Variants in NEBL observed in about 807,000 individuals in gnomAD.
NEBL encodes the protein LIM and SH3 protein 2.
A neutral mutation model predicts 140.2 loss-of-function variants in NEBL; 122 were observed. The ratio of observed to expected loss-of-function variants is 0.87; its 90% CI spans 0.75 to 1.01. The LOEUF is 1.01. Ranked by LOEUF, NEBL falls within the 50% of genes least tolerant of loss-of-function variation. The pLI is 0.00. For synonymous variants in NEBL, 436 were observed against 398.9 expected (o/e 1.09, Z -1.11); for missense variants, 1,365 against 1,231.3 (o/e 1.11, Z -1.62).
intron 4 of NEBL, among the ~76,000 whole-genome samples, chr10:20,885,568 G>A (rs1463291699): frequency 2.0e-5 from 3 of 152,130 alleles, no homozygotes; most frequent in Non-Finnish European, 2.9e-5. Context: ...TATTTTTCAT[G>A]TTAAGTTCTA....
chr10:21,064,469 G>T (rs1835442423), intron 2 of NEBL, among the ~76,000 whole-genome samples: 1 of 152,108 alleles, frequency 6.6e-6, no homozygotes, highest in African/African-American at 2.4e-5. Flanking sequence ...ACACTCAGTT[G>T]GTAGGGCTCT....
chr10:21,091,447 G>A (rs1232087059), intron 2 of NEBL, among the ~76,000 whole-genome samples: 1 of 152,132 alleles, frequency 6.6e-6, no homozygotes, highest in Non-Finnish European at 1.5e-5. Flanking sequence ...AAAAATGTAT[G>A]AGACAAATAG....
chr10:21,257,090 T>A (rs1842667285), intron 1 of NEBL, among the ~76,000 whole-genome samples: 1 of 152,212 alleles, frequency 6.6e-6, no homozygotes, highest in Non-Finnish European at 1.5e-5. Context: ...TTGCTAAACA[T>A]TTATCAGCAT....
At position 20,783,438 on chromosome 10, in the gene NEBL, G is replaced by T. The variant is rs1835158399; in HGVS notation, c.*2309C>A. 6.6e-6 allele frequency: 1 copy of T among 152,188 alleles called. No individual in the cohort carries two copies. The highest frequency in any genetic ancestry group is 6.5e-5 in the Admixed American group (1 of 15,280). 9.4% of individuals were successfully genotyped at this position (152,188 alleles called of 1,614,324 possible). ...TTTTGCTATGCAAACATTATTACGT[G>T]AAGCTTAAAATTTTAGGAGACTTAT... On this transcript the variant is annotated 3_prime_UTR_variant, in exon 28 of 28. Coordinates refer to ENST00000377122, the MANE Select transcript of NEBL (RefSeq NM_006393.3).
intron 2 of NEBL, among the ~76,000 whole-genome samples, chr10:21,043,164 G>A (rs1448960320): frequency 1.3e-5 from 2 of 152,124 alleles, no homozygotes; most frequent in African/African-American, 2.4e-5. Context: ...GGTCTCAGAC[G>A]ATATCCCAGC....
At chr10:21,032,458 A>T (rs1467881844) in intron 2 of NEBL, among the ~76,000 whole-genome samples, 1 of 152,130 alleles carries the variant, frequency 6.6e-6, no homozygotes, top group Non-Finnish European at 1.5e-5. Flanking sequence ...TCTATTCATG[A>T]ATTTCCTTCC....
intron 3 of NEBL, among the ~76,000 whole-genome samples, chr10:21,187,352 G>GA (rs1321150849): frequency 6.6e-6 from 1 of 152,098 alleles, no homozygotes; most frequent in African/African-American, 2.4e-5. Flanking sequence ...AGGAAGAGAA[G>GA]TTTTTTGGGG....
intron 26 of NEBL, among the ~76,000 whole-genome samples, chr10:20,793,155 T>G (rs1481395528): frequency 2.6e-5 from 4 of 152,170 alleles, no homozygotes; most frequent in African/African-American, 9.7e-5. Flanking sequence ...AATAGGGAAG[T>G]GCCGAAGAAA....
intron 5 of NEBL, among the ~76,000 whole-genome samples, chr10:20,870,729 G>T (rs1444833919): frequency 6.6e-6 from 1 of 152,158 alleles, no homozygotes; most frequent in Non-Finnish European, 1.5e-5. Context: ...GGAATGACTT[G>T]AGCCTCCCAA....
intron 2 of NEBL, chr10:21,113,230 C>A (rs1294613347): frequency 3.3e-6 from 1 of 302,412 alleles, no homozygotes; most frequent in Non-Finnish European, 6.0e-6. Context: ...GCACAAAAAT[C>A]ATTTCCACCA....
intron 4 of NEBL, among the ~76,000 whole-genome samples, chr10:20,924,090 C>T (rs1833743965): frequency 6.6e-6 from 1 of 152,054 alleles, no homozygotes. Flanking sequence ...ATAGCAAATC[C>T]AAAATCACTC....
At chr10:21,043,210 C>A (rs1182088881) in intron 2 of NEBL, among the ~76,000 whole-genome samples, 1 of 152,148 alleles carries the variant, frequency 6.6e-6, no homozygotes, top group Non-Finnish European at 1.5e-5. Flanking sequence ...TCTCATAGTA[C>A]AATGCTTCAC....
intron 25 of NEBL, 43 bp from the exon 26 acceptor site, chr10:20,808,702 C>G (rs754976785): frequency 6.3e-7 from 1 of 1,579,110 alleles, no homozygotes. Context: ...TTAAGTGACT[C>G]GAAAAACAAA....
intron 3 of NEBL, among the ~76,000 whole-genome samples, chr10:20,988,818 A>G (rs1202572196): frequency 2.6e-5 from 4 of 152,212 alleles, no homozygotes; most frequent in East Asian, 3.9e-4. Flanking sequence ...TGAACTCCAC[A>G]TTGCTAAATC....
intron 2 of NEBL, among the ~76,000 whole-genome samples, chr10:21,070,560 T>C (rs1433076378): frequency 1.3e-5 from 2 of 152,010 alleles, no homozygotes; most frequent in African/African-American, 4.8e-5. Flanking sequence ...GCTTCGTGAG[T>C]CTCCAAAGGA....
chr10:20,971,767 C>T (rs1836584952), intron 3 of NEBL, among the ~76,000 whole-genome samples: 1 of 152,048 alleles, frequency 6.6e-6, no homozygotes. Context: ...GCGCCCACCA[C>T]CACACCCAGC....
intron 4 of NEBL, among the ~76,000 whole-genome samples, chr10:20,934,288 C>T (rs564783287): frequency 1.3e-5 from 2 of 152,164 alleles, no homozygotes; most frequent in Non-Finnish European, 2.9e-5. Flanking sequence ...ATATGACAAG[C>T]ATCTCAGGAG....
At chr10:21,204,941 T>G (rs1369825796) in intron 3 of NEBL, among the ~76,000 whole-genome samples, 1 of 152,192 alleles carries the variant, frequency 6.6e-6, no homozygotes, top group Non-Finnish European at 1.5e-5. Flanking sequence ...TTCATCCCTT[T>G]TCCTGGCTGC....
intron 19 of NEBL, 138 bp downstream of exon 19, chr10:20,823,070 G>A: frequency 1.6e-6 from 1 of 631,480 alleles, no homozygotes; most frequent in South Asian, 1.9e-5. Flanking sequence ...TGTGTAAAAT[G>A]CTAGCTCCAC....
Sources: gnomAD v4.1 joint callset for allele counts (sites outside exome capture counted in the v4.1 genomes callset) on GRCh38, gnomAD v4.1.1 for gene constraint, MANE v1.5 for transcripts, NCBI Gene and HGNC (gene_info 2026-07-23, HGNC 2026-07-21) for gene names.